Variants in INPP5A observed in about 807,000 individuals in gnomAD.
INPP5A encodes the protein 43 kDa inositol polyphosphate 5-phophatase.
A neutral mutation model predicts 65.2 loss-of-function variants in INPP5A; 14 were observed. The observed-to-expected ratio is 0.21, with a 90% confidence interval of 0.14 to 0.34. The LOEUF is 0.34. Ranked by LOEUF, INPP5A falls within the 10% of genes least tolerant of loss-of-function variation. INPP5A has a pLI of 1.00. For synonymous variants in INPP5A, 207 were observed against 208.3 expected (o/e 0.99, Z 0.05); for missense variants, 431 against 545.6 (o/e 0.79, Z 2.09).
intron 8 of INPP5A, among the ~76,000 whole-genome samples, chr10:132,711,651 G>A (rs971298005): frequency 7.9e-5 from 12 of 152,232 alleles, no homozygotes; most frequent in Admixed American, 1.3e-4. Context: ...GCTGCCCTGC[G>A]CCTCGCCCAC....
At chr10:132,777,542 T>C (rs2134694024) in intron 12 of INPP5A, 129 bp from the exon 13 acceptor site, 2 of 735,896 alleles carry the variant, frequency 2.7e-6, no homozygotes, top group African/African-American at 1.8e-5. Flanking sequence ...AACTTCCATG[T>C]GTGTATTCAT....
chr10:132,586,753 G>T (rs946569977), intron 1 of INPP5A, among the ~76,000 whole-genome samples: 13 of 152,230 alleles, frequency 8.5e-5, no homozygotes, highest in African/African-American at 3.1e-4. Flanking sequence ...TCTGAAACAA[G>T]TATGATTGAC....
rs141170326 is a variant in INPP5A, at chr10:132,549,581, C to G, written c.75+11410C>G. ...GGAGGGCCTGTGGGATGCGAGGCCT[C>G]TGCTACGAGGCTCCCGCTTGCCTGG... On this transcript the variant is annotated intron_variant, in intron 1 of 15. Transcript: ENST00000368594. The surrounding 1 kb of genome is among the most constrained non-coding windows in gnomAD (Gnocchi z 4.9). Among the ~76,000 whole-genome samples the G allele has an allele frequency of 9.8e-4, 149 of 152,352 alleles. No homozygotes were observed. Among genetic ancestry groups the G allele is most frequent in the African/African-American group, 3.4e-3 (141 of 41,588 alleles).
At chr10:132,599,790 A>G (rs2071753441) in intron 1 of INPP5A, among the ~76,000 whole-genome samples, 2 of 152,218 alleles carry the variant, frequency 1.3e-5, no homozygotes, top group Admixed American at 1.3e-4. Flanking sequence ...CCCAAACCTC[A>G]GTTCTTGTCT....
intron 4 of INPP5A, among the ~76,000 whole-genome samples, chr10:132,680,542 T>A (rs2073028757): frequency 6.6e-6 from 1 of 152,270 alleles, no homozygotes; most frequent in African/African-American, 2.4e-5. Context: ...CTGCTCTGCC[T>A]GGGCTCCCAC....
intron 4 of INPP5A, among the ~76,000 whole-genome samples, chr10:132,665,136 T>C (rs2133423601): frequency 6.6e-6 from 1 of 152,346 alleles, no homozygotes; most frequent in South Asian, 2.1e-4. Flanking sequence ...TCAGAGATCA[T>C]GCCCACCTGA....
rs1391058545 is a variant in INPP5A at position 132,651,960 on chromosome 10, C to T, written c.306+1455C>T. ...ACACGGGGACCACGGGGCCCCCACT[C>T]ACACCAGAGCCAAGGCCCTCACCCC... is the stretch of plus-strand genomic sequence containing the variant. On this transcript the variant is annotated intron_variant, in intron 4 of 15. Coordinates refer to ENST00000368594, the MANE Select transcript of INPP5A (RefSeq NM_005539.5). The surrounding 1 kb of genome is among the most constrained non-coding windows in gnomAD (Gnocchi z 5.0). Among the ~76,000 whole-genome samples, 1 of 152,198 alleles carries T rather than the reference C, an allele frequency of 6.6e-6. No individual in the cohort carries two copies. The highest frequency in any genetic ancestry group is 1.9e-4 in the East Asian group (1 of 5,178).
Position 132,575,605 on chromosome 10 carries a change from C to T in INPP5A, c.76-32310C>T, listed in dbSNP as rs942616952. ...AGCGGAGCCAGTTATTTCTTGGCTT[C>T]TCTGTGGAAGTGCGTTTATTTGAAA... On this transcript the variant is annotated intron_variant, in intron 1 of 15. Coordinates refer to ENST00000368594, the MANE Select transcript of INPP5A (RefSeq NM_005539.5). This position sits in a 1 kb window ranked among gnomAD's most constrained non-coding sequence, Gnocchi z 5.4. 2.6e-5 allele frequency among the ~76,000 whole-genome samples: 4 copies of T among 152,234 alleles called. No homozygotes were observed. Among genetic ancestry groups the T allele is most frequent in the African/African-American group, 9.6e-5 (4 of 41,466 alleles).
In INPP5A at chr10:132,697,990, C is replaced by T. The variant is rs959019020; in HGVS notation, c.474+71C>T. 1.3e-5 allele frequency: 13 copies of T among 1,003,334 alleles called. No homozygotes were observed. Among genetic ancestry groups the T allele is most frequent in the African/African-American group, 1.6e-5 (1 of 63,112 alleles). 62.2% of individuals were successfully genotyped at this position (1,003,334 alleles called of 1,614,324 possible). ...AGCCAGTCAGAAGTGACATGGAACA[C>T]GGAATTTTCGCATTGCACTGTTACT... On this transcript the variant is annotated intron_variant, in intron 6 of 15. Transcript: ENST00000368594. This position sits in a 1 kb window ranked among gnomAD's most constrained non-coding sequence, Gnocchi z 5.6.
At chr10:132,566,287 A>G (rs1010521012) in intron 1 of INPP5A, among the ~76,000 whole-genome samples, 3 of 152,242 alleles carry the variant, frequency 2.0e-5, no homozygotes, top group Admixed American at 1.3e-4. Context: ...TGCTGTCCCA[A>G]AAAAGCTCCA....
At position 132,727,597 on chromosome 10, in the gene INPP5A, A is replaced by T. The variant is rs981144198; in HGVS notation, c.732+692A>T. 3.3e-5 allele frequency among the ~76,000 whole-genome samples: 5 copies of T among 151,934 alleles called. No homozygotes were observed. Among genetic ancestry groups the T allele is most frequent in the African/African-American group, 1.2e-4 (5 of 41,348 alleles). ...TGGGTCCTCCCTCCCAGTTTTCATG[A>T]CTTGGGATTCCACTTCCCGGGCAGC... On this transcript the variant is annotated intron_variant, in intron 9 of 15. Coordinates refer to ENST00000368594, the MANE Select transcript of INPP5A (RefSeq NM_005539.5). This position sits in a 1 kb window ranked among gnomAD's most constrained non-coding sequence, Gnocchi z 6.5.
At chr10:132,584,399 A>C (rs1432531438) in intron 1 of INPP5A, among the ~76,000 whole-genome samples, 2 of 152,352 alleles carry the variant, frequency 1.3e-5, no homozygotes, top group East Asian at 3.9e-4. Context: ...GATATGACTC[A>C]AATTTCTTTA....
intron 1 of INPP5A, among the ~76,000 whole-genome samples, chr10:132,568,483 G>A (rs2133280166): frequency 6.6e-6 from 1 of 152,176 alleles, no homozygotes; most frequent in Admixed American, 6.5e-5. Context: ...CCCAGCTACT[G>A]GGATTACTGG....
At chr10:132,568,285 CTA>C (rs922950198) in intron 1 of INPP5A, among the ~76,000 whole-genome samples, 1 of 151,786 alleles carries the variant, frequency 6.6e-6, no homozygotes, top group Non-Finnish European at 1.5e-5. Context: ...CTAAGGGTTC[CTA>C]TGTGTTTCTC....
chr10:132,760,124 AC>A (rs1846705515), intron 11 of INPP5A, among the ~76,000 whole-genome samples: 1 of 152,024 alleles, frequency 6.6e-6, no homozygotes, highest in Non-Finnish European at 1.5e-5. Flanking sequence ...AGCTCCAGCT[AC>A]TCGTTCCCTC....
chr10:132,728,347 G>T (rs569771615), intron 9 of INPP5A, among the ~76,000 whole-genome samples: 36 of 152,338 alleles, frequency 2.4e-4, no homozygotes, highest in African/African-American at 8.2e-4. Flanking sequence ...TCGGTCTCTG[G>T]CCTGCCATCC....
At chr10:132,640,717 G>A (rs1328566732) in intron 2 of INPP5A, among the ~76,000 whole-genome samples, 1 of 152,260 alleles carries the variant, frequency 6.6e-6, no homozygotes, top group Non-Finnish European at 1.5e-5. Flanking sequence ...AGCCCCTGCT[G>A]ATATGCCCTT....
intron 2 of INPP5A, among the ~76,000 whole-genome samples, chr10:132,612,685 C>T (rs1029168393): frequency 2.0e-5 from 3 of 152,160 alleles, no homozygotes; most frequent in East Asian, 3.9e-4. Context: ...TGGCCGTGTG[C>T]GTGGCCCTCG....
At chr10:132,561,141 C>T (rs2071199615) in intron 1 of INPP5A, among the ~76,000 whole-genome samples, 1 of 148,616 alleles carries the variant, frequency 6.7e-6, no homozygotes, top group African/African-American at 2.5e-5. Flanking sequence ...TGGTTCATTG[C>T]AACCTCGACC....
Sources: allele counts gnomAD v4.1 joint callset (sites outside exome capture counted in the v4.1 genomes callset), GRCh38; gene constraint gnomAD v4.1.1; non-coding constraint Gnocchi (gnomAD v3.1); transcripts MANE v1.5; gene names NCBI Gene and HGNC (gene_info 2026-07-23, HGNC 2026-07-21).